Variants in GFRA1 observed in about 807,000 individuals in gnomAD.
GFRA1 encodes the protein GDNF family receptor alpha 1.
A neutral mutation model predicts 51.6 loss-of-function variants in GFRA1; 16 were observed. The ratio of observed to expected loss-of-function variants is 0.31; its 90% CI spans 0.21 to 0.47. GFRA1 has a LOEUF of 0.47. Ranked by LOEUF, GFRA1 falls within the 20% of genes least tolerant of loss-of-function variation. The pLI, the probability that GFRA1 is intolerant of heterozygous loss-of-function variation, is 1.00. For missense variants in GFRA1, 530 were observed against 594.3 expected (o/e 0.89, Z 1.13); for synonymous variants, 270 against 241.3 (o/e 1.12, Z -1.10).
chr10:116,099,944 C>A (rs1445944761), intron 6 of GFRA1, among the ~76,000 whole-genome samples: 1 of 152,122 alleles, frequency 6.6e-6, no homozygotes, highest in Non-Finnish European at 1.5e-5. Flanking sequence ...TATCCTAATT[C>A]TGTAGTCAAG....
intron 4 of GFRA1, among the ~76,000 whole-genome samples, chr10:116,268,082 T>C (rs1473416844): frequency 2.0e-5 from 3 of 152,194 alleles, no homozygotes; most frequent in Non-Finnish European, 4.4e-5. Flanking sequence ...TGTATTCTGA[T>C]TCAGTAGTTC....
intron 6 of GFRA1, among the ~76,000 whole-genome samples, chr10:116,100,110 A>AC (rs1956759355): frequency 6.6e-6 from 1 of 152,212 alleles, no homozygotes; most frequent in African/African-American, 2.4e-5. Context: ...ACTGAGACTT[A>AC]AAGGATGGGT....
intron 4 of GFRA1, among the ~76,000 whole-genome samples, chr10:116,230,322 T>C (rs1351824491): frequency 1.3e-5 from 2 of 152,150 alleles, no homozygotes; most frequent in African/African-American, 4.8e-5. Flanking sequence ...GTTATCTCAT[T>C]TTAGAGCTGA....
At chr10:116,143,821 T>C (rs889112639) in intron 5 of GFRA1, among the ~76,000 whole-genome samples, 12 of 152,180 alleles carry the variant, frequency 7.9e-5, no homozygotes, top group Admixed American at 3.3e-4. Context: ...AAGGGGGCTG[T>C]AATATAAGGC....
chr10:116,163,869 C>A (rs1287985257), intron 5 of GFRA1, among the ~76,000 whole-genome samples: 1 of 152,174 alleles, frequency 6.6e-6, no homozygotes, highest in Non-Finnish European at 1.5e-5. Flanking sequence ...GTCTGTGTCC[C>A]CGAGTTTGAT....
chr10:116,137,147 G>C (rs1247817911), intron 5 of GFRA1, among the ~76,000 whole-genome samples: 1 of 152,172 alleles, frequency 6.6e-6, no homozygotes, highest in African/African-American at 2.4e-5. Context: ...CAGAAGGCAG[G>C]CTACAGGTCC....
intron 5 of GFRA1, among the ~76,000 whole-genome samples, chr10:116,172,184 T>C (rs116688414): frequency 7.4e-4 from 112 of 152,298 alleles, no homozygotes; most frequent in African/African-American, 2.6e-3. Flanking sequence ...GGATTACTTA[T>C]GAGTATTAAT....
At chr10:116,076,046 C>T (rs1001593209) in intron 9 of GFRA1, among the ~76,000 whole-genome samples, 1 of 152,014 alleles carries the variant, frequency 6.6e-6, no homozygotes, top group Non-Finnish European at 1.5e-5. Flanking sequence ...CCCGGCCAAG[C>T]TCTATTATCT....
In GFRA1 at chr10:116,228,980, CAAAAAAAAAAAAAA is replaced by C. The variant is rs57618028; in HGVS notation, c.419-17349_419-17336del. 7.6e-5 allele frequency among the ~76,000 whole-genome samples: 4 copies of C among 52,886 alleles called. No homozygotes were observed. The South Asian group carries it at 3.6e-3, about 47-fold the overall frequency. 34.7% of individuals were successfully genotyped at this position (52,886 alleles called of 152,430 possible). Reference sequence around the variant, plus strand: ...TTGATGACAGACCAATACTCCATCTCAAAAAAAAAAAAAAAAAAAAAAAAAAAGAAAGGCAGGTG... The same window carrying C: ...TTGATGACAGACCAATACTCCATCTCAAAAAAAAAAAAAGAAAGGCAGGTG... On this transcript the variant is annotated intron_variant, in intron 4 of 10. Transcript: ENST00000355422.
intron 3 of GFRA1, among the ~76,000 whole-genome samples, chr10:116,270,164 C>G (rs2134826316): frequency 6.6e-6 from 1 of 152,316 alleles, no homozygotes; most frequent in Admixed American, 6.5e-5. Context: ...CCCCCTCTGG[C>G]TTATGAGGAC....
chr10:116,254,319 CAAAAA>C (rs67848241), intron 4 of GFRA1, among the ~76,000 whole-genome samples: 2 of 106,802 alleles, frequency 1.9e-5, no homozygotes, highest in South Asian at 3.4e-4. Flanking sequence ...GAGCCTCTGT[CAAAAA>C]AAAAAAAAAA....
chr10:116,256,312 T>C (rs766000825), intron 4 of GFRA1, among the ~76,000 whole-genome samples: 1 of 152,134 alleles, frequency 6.6e-6, no homozygotes, highest in Admixed American at 6.5e-5. Context: ...GGGATCACCA[T>C]GACCTCATCC....
chr10:116,104,532 C>G (rs562155462), intron 6 of GFRA1, among the ~76,000 whole-genome samples: 2 of 152,304 alleles, frequency 1.3e-5, no homozygotes, highest in African/African-American at 4.8e-5. Flanking sequence ...CAGATGGAAT[C>G]CCCCATTATT....
chr10:116,228,428 C>T (rs1384930671), intron 4 of GFRA1, among the ~76,000 whole-genome samples: 1 of 152,132 alleles, frequency 6.6e-6, no homozygotes. Flanking sequence ...GACCAATGCC[C>T]CCTGCCCAAG....
chr10:116,130,177 G>C (rs1484545296), intron 5 of GFRA1, among the ~76,000 whole-genome samples: 1 of 151,190 alleles, frequency 6.6e-6, no homozygotes, highest in Non-Finnish European at 1.5e-5. Context: ...TTGAAGACCT[G>C]ATAAATGGAA....
chr10:116,069,186 C>A (rs559910521), intron 9 of GFRA1, among the ~76,000 whole-genome samples: 74 of 152,238 alleles, frequency 4.9e-4, no homozygotes, highest in African/African-American at 1.8e-3. Flanking sequence ...TGTCTTTTAA[C>A]AAGAGATGAA....
At chr10:116,158,896 A>G (rs1959446289) in intron 5 of GFRA1, among the ~76,000 whole-genome samples, 1 of 152,200 alleles carries the variant, frequency 6.6e-6, no homozygotes, top group African/African-American at 2.4e-5. Context: ...CTCAGCCCCT[A>G]TGAGCCATGC....
chr10:116,076,509 C>T (rs1239241725), intron 9 of GFRA1, among the ~76,000 whole-genome samples: 1 of 152,112 alleles, frequency 6.6e-6, no homozygotes, highest in East Asian at 1.9e-4. Context: ...TGACCTCTTC[C>T]CAAAGTATTT....
chr10:116,251,454 C>T (rs1968354642), intron 4 of GFRA1, among the ~76,000 whole-genome samples: 1 of 152,174 alleles, frequency 6.6e-6, no homozygotes, highest in Non-Finnish European at 1.5e-5. Flanking sequence ...CCCCACGAGA[C>T]ACTGATGCAC....
Sources: allele counts gnomAD v4.1 joint callset (sites outside exome capture counted in the v4.1 genomes callset), GRCh38; gene constraint gnomAD v4.1.1; transcripts MANE v1.5; gene names NCBI Gene and HGNC (gene_info 2026-07-23, HGNC 2026-07-21).